Variants in ZNF544 observed in about 807,000 individuals in gnomAD.
The protein encoded by ZNF544 is zinc finger protein AF020591.
A neutral mutation model predicts 13.5 loss-of-function variants in ZNF544; 10 were observed. The observed-to-expected ratio is 0.74, with a 90% confidence interval of 0.46 to 1.25. The LOEUF is 1.25. ZNF544 is among the 50% of genes most tolerant of loss of function. ZNF544 has a pLI of 0.00. For missense variants in ZNF544, 896 were observed against 845.6 expected (o/e 1.06, Z -0.74); for synonymous variants, 323 against 300.5 (o/e 1.07, Z -0.77).
chr19:58,269,271 A>G (rs771498309), intron 5 of ZNF544, among the ~76,000 whole-genome samples: 8 of 151,324 alleles, frequency 5.3e-5, no homozygotes, highest in Non-Finnish European at 8.9e-5. Context: ...CTCATCTCTA[A>G]TAAAAATTCA....
intron 3 of ZNF544, among the ~76,000 whole-genome samples, chr19:58,236,692 C>G (rs975450732): frequency 6.6e-6 from 1 of 151,334 alleles, no homozygotes. Flanking sequence ...GACTGTAGAC[C>G]TTATTTAGCA....
intron 5 of ZNF544, chr19:58,276,190 AC>A (rs1172425426): frequency 2.4e-6 from 1 of 417,346 alleles, no homozygotes; most frequent in African/African-American, 2.0e-5. Context: ...AAACAAATAA[AC>A]AACAAAAAAA....
Position 58,260,904 on chromosome 19 carries a change from A to G in ZNF544, c.298A>G (p.Arg100Gly). Residue 100 changes from arginine (R) to glycine (G), a missense_variant, in exon 7 of 7, where the codon AGG becomes GGG. By Grantham distance (125) the Arg-to-Gly change is moderately radical. Transcript: ENST00000687789. ...GTTGAATTCTGAAAAAGATCGAGCT[A>G]GGGAAGAACTATCCCACCACGTGGA... ...NRLNSEKDRAREELSHHVEVY... is the reference protein window; with the variant it reads ...NRLNSEKDRAGEELSHHVEVY... 1 of 1,613,090 alleles carries G rather than the reference A, an allele frequency of 6.2e-7. No homozygotes were observed. Among genetic ancestry groups the G allele is most frequent in the Non-Finnish European group, 8.5e-7 (1 of 1,179,766 alleles).
chr19:58,250,012 A>G (rs2046034447), intron 6 of ZNF544, among the ~76,000 whole-genome samples: 1 of 152,234 alleles, frequency 6.6e-6, no homozygotes, highest in Non-Finnish European at 1.5e-5. Flanking sequence ...AGTTAAAGGT[A>G]TAATGAGGGA....
At chr19:58,239,202 A>G (rs1229693135) in intron 3 of ZNF544, among the ~76,000 whole-genome samples, 1 of 152,146 alleles carries the variant, frequency 6.6e-6, no homozygotes, top group Non-Finnish European at 1.5e-5. Context: ...CTGTAAAGCC[A>G]TTTCTCAGCT....
At chr19:58,265,732 T>C (rs1266569813), downstream of ZNF544, among the ~76,000 whole-genome samples, 4 of 151,850 alleles carry the variant, frequency 2.6e-5, no homozygotes, top group Non-Finnish European at 5.9e-5. Flanking sequence ...GCTGGGACCA[T>C]AGGCATGTGA....
chr19:58,267,406 GA>G (rs1335435757), downstream of ZNF544, among the ~76,000 whole-genome samples: 4 of 151,170 alleles, frequency 2.6e-5, no homozygotes, highest in Non-Finnish European at 5.9e-5. Context: ...AGTGAGTCAA[GA>G]AAGGGTTACA....
In ZNF544 at chr19:58,260,924, C is replaced by T. The variant is rs113958213; in HGVS notation, c.318C>T (p.His106=). ...GAGCTAGGGAAGAACTATCCCACCA[C>T]GTGGAAGTGTACAGGAGTGGACCGG... ...KDRAREELSH[H]VEVYRSGPEE... Residue 106 remains histidine, a synonymous_variant, in exon 7 of 7, where the codon CAC becomes CAT. Coordinates refer to ENST00000687789, the MANE Select transcript of ZNF544 (RefSeq NM_014480.4). 9.3e-4 allele frequency: 1,501 copies of T among 1,614,032 alleles called. 9 individuals are homozygous for T. The African/African-American group carries it at 0.014, about 15-fold the overall frequency.
chr19:58,239,363 T>C (rs1267752067), intron 3 of ZNF544, among the ~76,000 whole-genome samples: 1 of 144,340 alleles, frequency 6.9e-6, no homozygotes. Flanking sequence ...CACCAAACTC[T>C]GGAAACTGTC....
intron 5 of ZNF544, among the ~76,000 whole-genome samples, chr19:58,271,397 T>G (rs533359051): frequency 6.0e-5 from 9 of 150,942 alleles, no homozygotes; most frequent in Non-Finnish European, 1.0e-4. Context: ...AGCCTAAGAG[T>G]TGGAGACCAG....
At chr19:58,239,060 A>G (rs2146730777) in intron 3 of ZNF544, among the ~76,000 whole-genome samples, 1 of 152,104 alleles carries the variant, frequency 6.6e-6, no homozygotes, top group East Asian at 1.9e-4. Flanking sequence ...TCAGGAAGAG[A>G]AGGTGGTGAA....
intron 3 of ZNF544, among the ~76,000 whole-genome samples, chr19:58,241,840 C>T (rs1239886843): frequency 6.6e-6 from 1 of 152,088 alleles, no homozygotes; most frequent in Non-Finnish European, 1.5e-5. Flanking sequence ...TGTCTGTCCT[C>T]CCCCTGGCAC....
chr19:58,249,815 A>G (rs981489415), intron 6 of ZNF544, among the ~76,000 whole-genome samples: 6 of 152,088 alleles, frequency 3.9e-5, no homozygotes, highest in African/African-American at 1.4e-4. Context: ...ACTTTGGCCA[A>G]TGTCTCTATT....
intron 3 of ZNF544, among the ~76,000 whole-genome samples, chr19:58,239,461 T>C (rs2043105298): frequency 6.6e-6 from 1 of 152,174 alleles, no homozygotes; most frequent in Admixed American, 6.5e-5. Flanking sequence ...TTCTTGAAAT[T>C]CCTGAAGGCC....
Position 58,262,460 on chromosome 19 carries a change from G to A in ZNF544, c.1854G>A (p.Gln618=), listed in dbSNP as rs1272139664. 3 of 1,614,146 alleles carry A rather than the reference G, an allele frequency of 1.9e-6. No individual in the cohort carries two copies. In the South Asian group the frequency reaches 3.3e-5, roughly 18 times the overall value. The stretch of plus-strand genomic sequence containing the variant: ...GAAAAGCCTTCAATCGAAGCACTCA[G>A]CTCATCAGGCATCTGCAAATTCACA... ...ECGKAFNRST[Q]LIRHLQIHTG... is the part of the protein sequence containing the mutation. The change falls in exon 7 of 7, where the codon CAG becomes CAA. Residue 618 remains glutamine, a synonymous_variant. Transcript: ENST00000687789.
At chr19:58,259,303 A>T (rs1392978507) in intron 6 of ZNF544, 1 of 152,244 alleles carries the variant, frequency 6.6e-6, no homozygotes, top group Non-Finnish European at 1.5e-5. Context: ...GAATTGGTGC[A>T]TTAAGAATAT....
At chr19:58,248,693 T>C (rs1419949894) in intron 6 of ZNF544, among the ~76,000 whole-genome samples, 1 of 152,044 alleles carries the variant, frequency 6.6e-6, no homozygotes, top group East Asian at 1.9e-4. Flanking sequence ...GTGTTACTGG[T>C]GGAGGATGTG....
chr19:58,245,747 G>A (rs898514063), intron 4 of ZNF544: 1 of 167,710 alleles, frequency 6.0e-6, no homozygotes, highest in Admixed American at 5.4e-5. Context: ...CCGATTTAGA[G>A]TGTCTTTCTT....
intron 3 of ZNF544, chr19:58,242,316 C>T (rs1043732994): frequency 4.1e-6 from 4 of 979,744 alleles, no homozygotes; most frequent in Non-Finnish European, 4.8e-6. Flanking sequence ...AAGGTGAGAA[C>T]TGCCTAAAAA....
Sources: gnomAD v4.1 joint callset for allele counts (sites outside exome capture counted in the v4.1 genomes callset) on GRCh38, gnomAD v4.1.1 for gene constraint, MANE v1.5 for transcripts, NCBI Gene and HGNC (gene_info 2026-07-23, HGNC 2026-07-21) for gene names.